The following PREX1 variants were observed in gnomAD, a reference collection of about 807,000 sequenced individuals.
The protein encoded by PREX1 is phosphatidylinositol-3,4,5-trisphosphate dependent Rac exchange factor 1.
A neutral mutation model predicts 198.3 loss-of-function variants in PREX1; 41 were observed. The ratio of observed to expected loss-of-function variants is 0.21; its 90% CI spans 0.16 to 0.27. The LOEUF is 0.27. PREX1 is among the 10% of genes least tolerant of loss of function. The probability of loss-of-function intolerance (pLI) is 1.00; values close to 1 mark genes in which losing one functional copy is unlikely to be tolerated. For missense variants in PREX1, 1,620 were observed against 2,200.7 expected, an observed-to-expected ratio of 0.74 and a Z score of 5.28; for synonymous variants, 843 against 887.2, an observed-to-expected ratio of 0.95 and a Z score of 0.89.
chr20:48,661,145 G>A lies in PREX1; in HGVS notation c.1739-1084C>T, dbSNP rs997839163. Among the ~76,000 whole-genome samples the A allele has an allele frequency of 2.6e-5, 4 of 152,144 alleles. No individual in the cohort carries two copies. In the East Asian group the frequency reaches 5.8e-4, roughly 22 times the overall value. ...AAAAAATATACTGACGCCGGCCAGA[G>A]GCGGTGGCTCCGCCTGTAATCCCAG... is the stretch of plus-strand genomic sequence containing the variant. On this transcript the variant is annotated intron_variant, in intron 15 of 39. Coordinates refer to ENST00000371941, the MANE Select transcript of PREX1 (RefSeq NM_020820.4).
At chr20:48,648,419 C>T (rs1326242904) in intron 25 of PREX1, among the ~76,000 whole-genome samples, 2 of 152,152 alleles carry the variant, frequency 1.3e-5, no homozygotes, top group African/African-American at 4.8e-5. Flanking sequence ...TAGGTAGAGA[C>T]CCCAGATGCT....
intron 29 of PREX1, 74 bp from the exon 30 acceptor site, chr20:48,639,968 A>G: frequency 3.3e-6 from 5 of 1,531,770 alleles, no homozygotes; most frequent in South Asian, 2.3e-5. Context: ...ACAAAGGCCT[A>G]TGTCCCATCA....
intron 7 of PREX1, among the ~76,000 whole-genome samples, chr20:48,698,539 G>A (rs1346317351): frequency 1.3e-5 from 2 of 152,144 alleles, no homozygotes; most frequent in Admixed American, 6.5e-5. Context: ...AGAGAAGAAG[G>A]GGGCGTTCAT....
intron 30 of PREX1, 41 bp downstream of exon 30, chr20:48,639,725 G>T: frequency 6.2e-7 from 1 of 1,606,192 alleles, no homozygotes; most frequent in Non-Finnish European, 8.5e-7. Flanking sequence ...CAAAAGCCAT[G>T]GCCCCCTCCC....
At chr20:48,833,492 A>G in the PREX1 span, among the ~76,000 whole-genome samples, 7 of 148,680 alleles carry the variant, frequency 4.7e-5, no homozygotes, top group East Asian at 1.2e-3. Context: ...CCCAGAGTGG[A>G]ATGCAATGCC....
chr20:48,771,615 C>T (rs1229679729), intron 1 of PREX1, among the ~76,000 whole-genome samples: 2 of 151,858 alleles, frequency 1.3e-5, no homozygotes, highest in Non-Finnish European at 1.5e-5. Flanking sequence ...CCAGCCTGGG[C>T]GACAGGAGCA....
rs1438895508 is a variant in PREX1 at position 48,691,714 on chromosome 20, G to A, written c.1037-618C>T. Among the ~76,000 whole-genome samples the A allele has an allele frequency of 1.3e-5, 2 of 152,190 alleles. No individual in the cohort carries two copies. Among genetic ancestry groups the A allele is most frequent in the African/African-American group, 4.8e-5 (2 of 41,444 alleles). The stretch of plus-strand genomic sequence containing the variant: ...CAGTGACTGCATGACTGTGAGTGGT[G>A]GCAACAGGCCAAACATCCATCACCC... On this transcript the variant is annotated intron_variant, in intron 8 of 39. Coordinates refer to ENST00000371941, the MANE Select transcript of PREX1 (RefSeq NM_020820.4). This position sits in a 1 kb window ranked among gnomAD's most constrained non-coding sequence, Gnocchi z 5.0.
the PREX1 span, among the ~76,000 whole-genome samples, chr20:48,836,482 T>C: frequency 1.3e-5 from 2 of 152,142 alleles, no homozygotes; most frequent in African/African-American, 2.4e-5. Context: ...GACATAGCAA[T>C]GGACTCTCCT....
chr20:48,726,243 C>A, intron 5 of PREX1, 47 bp downstream of exon 5: 1 of 1,505,934 alleles, frequency 6.6e-7, no homozygotes, highest in Non-Finnish European at 9.2e-7. Context: ...TTATGTTATG[C>A]TGAAGCCAAA....
At chr20:48,828,550 C>T (rs905506271), upstream of PREX1, among the ~76,000 whole-genome samples, 8 of 150,150 alleles carry the variant, frequency 5.3e-5, no homozygotes, top group African/African-American at 9.7e-5. Flanking sequence ...CGGCCCCTCT[C>T]TGGGCAGTGA....
chr20:48,669,450 C>T lies in PREX1; in HGVS notation c.1666-3095G>A, dbSNP rs575260146. Among the ~76,000 whole-genome samples, 8 of 152,264 alleles carry T rather than the reference C, an allele frequency of 5.3e-5. No homozygotes were observed. In the East Asian group the frequency reaches 7.7e-4, roughly 15 times the overall value. On this transcript the variant is annotated intron_variant, in intron 14 of 39. Coordinates refer to ENST00000371941, the MANE Select transcript of PREX1 (RefSeq NM_020820.4). ...ATTTTGCTTAAGGTCTGTTGCCCAC[C>T]GGGTATAAGCTCCATGCGGGCAGGG...
chr20:48,746,885 CTGAA>C (rs1446480015), intron 2 of PREX1, among the ~76,000 whole-genome samples: 1 of 150,990 alleles, frequency 6.6e-6, no homozygotes. Context: ...GCCATATTTG[CTGAA>C]TGAATGAGTG....
chr20:48,792,430 A>G (rs1314038628), intron 1 of PREX1, among the ~76,000 whole-genome samples: 1 of 152,160 alleles, frequency 6.6e-6, no homozygotes, highest in Non-Finnish European at 1.5e-5. Context: ...AGATCGCGCC[A>G]CTGCACTCCA....
intron 4 of PREX1, among the ~76,000 whole-genome samples, chr20:48,727,541 C>T (rs2090015633): frequency 6.6e-6 from 1 of 152,126 alleles, no homozygotes; most frequent in South Asian, 2.1e-4. Flanking sequence ...GCCTCTAGGG[C>T]TCCCAACCAC....
intron 1 of PREX1, among the ~76,000 whole-genome samples, chr20:48,771,616 G>C (rs559068247): frequency 6.6e-6 from 1 of 152,072 alleles, no homozygotes; most frequent in Non-Finnish European, 1.5e-5. Flanking sequence ...CAGCCTGGGC[G>C]ACAGGAGCAA....
At chr20:48,811,915 G>C (rs1213704862) in intron 1 of PREX1, among the ~76,000 whole-genome samples, 1 of 152,254 alleles carries the variant, frequency 6.6e-6, no homozygotes, top group Non-Finnish European at 1.5e-5. Context: ...ATAGGAGTCA[G>C]AAAACCTGGG....
At chr20:48,679,113 G>A (rs534738027) in intron 13 of PREX1, among the ~76,000 whole-genome samples, 15 of 152,342 alleles carry the variant, frequency 9.8e-5, no homozygotes, top group African/African-American at 3.6e-4. Flanking sequence ...TCACACAGCT[G>A]CTAACTAGGA....
chr20:48,658,302 C>T, intron 16 of PREX1, 74 bp from the exon 17 acceptor site: 8 of 1,471,182 alleles, frequency 5.4e-6, no homozygotes, highest in Middle Eastern at 1.8e-4. Flanking sequence ...GTGGCCCCCA[C>T]AGGACCATGA....
intron 1 of PREX1, among the ~76,000 whole-genome samples, chr20:48,787,342 A>T (rs1412164473): frequency 6.6e-6 from 1 of 152,136 alleles, no homozygotes; most frequent in Non-Finnish European, 1.5e-5. Flanking sequence ...ATTTCTTTTC[A>T]AAGACATCAT....
Sources: gnomAD v4.1 joint callset for allele counts (sites outside exome capture counted in the v4.1 genomes callset) on GRCh38, gnomAD v4.1.1 for gene constraint, Gnocchi (gnomAD v3.1) non-coding constraint, MANE v1.5 for transcripts, NCBI Gene and HGNC (gene_info 2026-07-23, HGNC 2026-07-21) for gene names.